Variants in CDK19 observed in about 807,000 individuals in gnomAD.
The protein encoded by CDK19 is cyclin-dependent kinase 19.
A neutral mutation model predicts 68.3 loss-of-function variants in CDK19; 20 were observed. That is an observed-to-expected ratio of 0.29 (90% CI 0.21 to 0.43). The LOEUF is 0.43. Ranked by LOEUF, CDK19 falls within the 20% of genes least tolerant of loss-of-function variation. The pLI, the probability that CDK19 is intolerant of heterozygous loss-of-function variation, is 1.00. For synonymous variants in CDK19, 221 were observed against 222.8 expected, an observed-to-expected ratio of 0.99 and a Z score of 0.07; for missense variants, 339 against 623.5, an observed-to-expected ratio of 0.54 and a Z score of 4.86.
rs80188922 is a variant in CDK19, at chr6:110,661,596, T to C, written c.456+5838A>G. 5.2e-3 allele frequency among the ~76,000 whole-genome samples: 785 copies of C among 152,284 alleles called. 6 individuals are homozygous for C. The highest frequency in any genetic ancestry group is 0.018 in the African/African-American group (763 of 41,556). The stretch of plus-strand genomic sequence containing the variant: ...TTTGGAGTAGCTGGGACTACAGGTA[T>C]GTGCCACCCTACCCAGTTTGCATCA... On this transcript the variant is annotated intron_variant, in intron 4 of 12. Transcript: ENST00000368911.
chr6:110,646,534 G>T, intron 4 of CDK19: 3 of 1,244,928 alleles, frequency 2.4e-6, no homozygotes, highest in Non-Finnish European at 3.2e-6. Context: ...GCCTCCACCT[G>T]CAACAGGTGC....
chr6:110,804,061 T>G (rs746319561), intron 1 of CDK19, among the ~76,000 whole-genome samples: 1 of 152,182 alleles, frequency 6.6e-6, no homozygotes, highest in African/African-American at 2.4e-5. Context: ...AACCATGGAC[T>G]TACCTTTCTG....
intron 2 of CDK19, among the ~76,000 whole-genome samples, chr6:110,678,725 T>C (rs893767655): frequency 6.6e-6 from 1 of 152,174 alleles, no homozygotes; most frequent in African/African-American, 2.4e-5. Context: ...TAGAAAAAAA[T>C]GCATTGTTAG....
At chr6:110,719,329 T>G (rs1217106207) in intron 2 of CDK19, among the ~76,000 whole-genome samples, 3 of 152,054 alleles carry the variant, frequency 2.0e-5, no homozygotes, top group East Asian at 3.9e-4. Context: ...ACAAAAAATT[T>G]TAAAAACAAC....
At chr6:110,800,210 TA>T (rs1408195925) in intron 1 of CDK19, among the ~76,000 whole-genome samples, 1 of 152,166 alleles carries the variant, frequency 6.6e-6, no homozygotes, top group Non-Finnish European at 1.5e-5. Flanking sequence ...TTACTTCCTT[TA>T]ACATTCATGT....
At chr6:110,675,109 T>C (rs1771380664) in intron 2 of CDK19, among the ~76,000 whole-genome samples, 2 of 152,112 alleles carry the variant, frequency 1.3e-5, no homozygotes, top group Non-Finnish European at 2.9e-5. Context: ...GCTAAGATCA[T>C]TGATGAAGAT....
chr6:110,630,308 C>G (rs1414001435), intron 6 of CDK19, among the ~76,000 whole-genome samples: 2 of 152,212 alleles, frequency 1.3e-5, no homozygotes, highest in Non-Finnish European at 2.9e-5. Flanking sequence ...GAGATTGCAT[C>G]CTCTTCTCCC....
At chr6:110,666,111 T>A (rs1300267695) in intron 4 of CDK19, among the ~76,000 whole-genome samples, 5 of 150,560 alleles carry the variant, frequency 3.3e-5, no homozygotes, top group African/African-American at 1.2e-4. Flanking sequence ...CCTCAAAGAA[T>A]CTTACAGTTA....
chr6:110,678,158 T>C (rs1257002882), intron 2 of CDK19, among the ~76,000 whole-genome samples: 1 of 152,026 alleles, frequency 6.6e-6, no homozygotes, highest in African/African-American at 2.4e-5. Flanking sequence ...AGAAAGACAT[T>C]TTAAAATTTA....
At chr6:110,731,096 GAAAGAAAAGAAAAGAAAGGAAAAGA>G (rs1023835942) in intron 2 of CDK19, among the ~76,000 whole-genome samples, 1 of 128,456 alleles carries the variant, frequency 7.8e-6, no homozygotes, top group Non-Finnish European at 1.7e-5. Flanking sequence ...AAGGAAGGAA[GAAAGAAAAGAAAAGAAAGGAAAAGA>G]AAAGAAAAGA....
chr6:110,755,213 G>C (rs1030496853), intron 1 of CDK19, among the ~76,000 whole-genome samples: 1 of 151,920 alleles, frequency 6.6e-6, no homozygotes, highest in African/African-American at 2.4e-5. Flanking sequence ...GCTAATTTTT[G>C]TATTTTTGGT....
At chr6:110,753,437 G>A (rs1778612102) in intron 1 of CDK19, among the ~76,000 whole-genome samples, 4 of 151,426 alleles carry the variant, frequency 2.6e-5, no homozygotes, top group Non-Finnish European at 5.9e-5. Context: ...AGATTGGAGT[G>A]CAGTAGCGCG....
chr6:110,735,934 T>C (rs1777218967), intron 2 of CDK19, among the ~76,000 whole-genome samples: 1 of 152,152 alleles, frequency 6.6e-6, no homozygotes, highest in Non-Finnish European at 1.5e-5. Context: ...ACCGGAAAGT[T>C]CAGCAAGGAA....
intron 5 of CDK19, among the ~76,000 whole-genome samples, chr6:110,637,444 G>A (rs1270765364): frequency 6.6e-6 from 1 of 152,174 alleles, no homozygotes; most frequent in East Asian, 1.9e-4. Flanking sequence ...TAAAGAAAAG[G>A]AAGTTGGTTT....
At chr6:110,668,909 C>A (rs1770753658) in intron 3 of CDK19, among the ~76,000 whole-genome samples, 1 of 151,372 alleles carries the variant, frequency 6.6e-6, no homozygotes, top group Admixed American at 6.6e-5. Context: ...CTAAATATTA[C>A]AAATACTATC....
intron 2 of CDK19, among the ~76,000 whole-genome samples, chr6:110,677,248 G>C (rs1771605637): frequency 6.6e-6 from 1 of 152,160 alleles, no homozygotes; most frequent in Admixed American, 6.5e-5. Context: ...CCATATAAAA[G>C]GAGCCTTGTA....
chr6:110,787,908 C>T (rs905787266), intron 1 of CDK19, among the ~76,000 whole-genome samples: 27 of 149,940 alleles, frequency 1.8e-4, no homozygotes, highest in Admixed American at 6.6e-4. Flanking sequence ...GGCGTGATTT[C>T]GGCTCACTGC....
intron 2 of CDK19, among the ~76,000 whole-genome samples, chr6:110,732,975 G>A (rs904304835): frequency 5.3e-5 from 8 of 152,114 alleles, no homozygotes; most frequent in African/African-American, 1.7e-4. Context: ...GCTGAGAAAG[G>A]AGAATCGCTT....
intron 12 of CDK19, among the ~76,000 whole-genome samples, chr6:110,618,023 A>AT (rs1778453382): frequency 6.6e-6 from 1 of 152,080 alleles, no homozygotes; most frequent in African/African-American, 2.4e-5. Flanking sequence ...AATGGGTGGC[A>AT]CCACAGTTCC....
Sources: allele counts gnomAD v4.1 joint callset (sites outside exome capture counted in the v4.1 genomes callset), GRCh38; gene constraint gnomAD v4.1.1; transcripts MANE v1.5; gene names NCBI Gene and HGNC (gene_info 2026-07-23, HGNC 2026-07-21).